The following SKAP1 variants were observed in gnomAD, a reference collection of about 807,000 sequenced individuals.
The protein encoded by SKAP1 is src kinase-associated phosphoprotein 1.
In SKAP1, 44 loss-of-function variants were observed where a neutral mutation model predicts 58.5. The ratio of observed to expected loss-of-function variants is 0.75; its 90% CI spans 0.59 to 0.97. The LOEUF (loss-of-function observed/expected upper bound fraction) is 0.97, where lower values mean the gene tolerates loss of function less well. SKAP1 is among the 50% of genes least tolerant of loss of function. The pLI is 0.00. For missense variants in SKAP1, 390 were observed against 435.2 expected, an observed-to-expected ratio of 0.90 and a Z score of 0.92; for synonymous variants, 127 against 149.7, an observed-to-expected ratio of 0.85 and a Z score of 1.11.
chr17:48,259,677 A>G (rs370042417), intron 4 of SKAP1, among the ~76,000 whole-genome samples: 8 of 152,178 alleles, frequency 5.3e-5, no homozygotes, highest in Admixed American at 2.0e-4. Context: ...GAAGACATAC[A>G]TTTACAGAAA....
chr17:48,395,795 T>C (rs2067410980), intron 2 of SKAP1, among the ~76,000 whole-genome samples: 1 of 152,228 alleles, frequency 6.6e-6, no homozygotes, highest in African/African-American at 2.4e-5. Context: ...CATGAGGTTC[T>C]CTCACATTCC....
chr17:48,395,446 T>C (rs1199501208), intron 2 of SKAP1, among the ~76,000 whole-genome samples: 1 of 152,148 alleles, frequency 6.6e-6, no homozygotes, highest in Non-Finnish European at 1.5e-5. Context: ...TAATTCCACC[T>C]TTATTCCGCA....
intron 4 of SKAP1, among the ~76,000 whole-genome samples, chr17:48,254,058 A>C (rs1183107580): frequency 6.6e-6 from 1 of 152,160 alleles, no homozygotes; most frequent in Non-Finnish European, 1.5e-5. Context: ...AAGCTCTGGA[A>C]TTAATATCCC....
intron 2 of SKAP1, among the ~76,000 whole-genome samples, chr17:48,376,111 C>T (rs1428225495): frequency 1.3e-5 from 2 of 151,026 alleles, no homozygotes; most frequent in African/African-American, 4.9e-5. Flanking sequence ...TCATTTTTGT[C>T]ACTGTTGACG....
In SKAP1 at chr17:48,270,181, C is replaced by T. The variant is rs769296542; in HGVS notation, c.280+75724G>A. On this transcript the variant is annotated intron_variant, in intron 4 of 12. Coordinates refer to ENST00000336915, the MANE Select transcript of SKAP1 (RefSeq NM_003726.4). ...ATGAAAAACATAGTGAAATTTTAAA[C>T]GATATGGAAAACATAAATAAATAAA... is the stretch of plus-strand genomic sequence containing the variant. Among the ~76,000 whole-genome samples the T allele has an allele frequency of 4.0e-4, 61 of 152,138 alleles. 1 individual carries two copies. The highest frequency in any genetic ancestry group is 4.2e-4 in the South Asian group (2 of 4,808).
At chr17:48,230,775 A>T (rs1385490424) in intron 4 of SKAP1, among the ~76,000 whole-genome samples, 3 of 152,126 alleles carry the variant, frequency 2.0e-5, no homozygotes, top group Admixed American at 1.3e-4. Flanking sequence ...TTGTTTTATG[A>T]GTGAGTAAGC....
At chr17:48,325,193 G>A (rs1183393394) in intron 4 of SKAP1, among the ~76,000 whole-genome samples, 1 of 145,956 alleles carries the variant, frequency 6.9e-6, no homozygotes, top group Non-Finnish European at 1.5e-5. Context: ...AGCTTGCAGT[G>A]AGCGGAGAGC....
intron 2 of SKAP1, among the ~76,000 whole-genome samples, chr17:48,386,848 C>T (rs1598641827): frequency 6.6e-6 from 1 of 152,302 alleles, no homozygotes; most frequent in South Asian, 2.1e-4. Flanking sequence ...TGATTAAATA[C>T]TTCTGTGGAA....
chr17:48,393,891 T>A, intron 2 of SKAP1, among the ~76,000 whole-genome samples: 1 of 3,918 alleles, frequency 2.6e-4, no homozygotes, highest in South Asian at 0.01. Context: ...TTTAGATAGG[T>A]TACCACCCCC....
At chr17:48,336,920 A>G (rs1412228486) in intron 4 of SKAP1, among the ~76,000 whole-genome samples, 1 of 152,220 alleles carries the variant, frequency 6.6e-6, no homozygotes, top group East Asian at 1.9e-4. Flanking sequence ...AATCTGGGGT[A>G]TTATAATGAG....
chr17:48,194,091 T>A (rs1436235852), intron 4 of SKAP1, among the ~76,000 whole-genome samples: 2 of 152,110 alleles, frequency 1.3e-5, no homozygotes, highest in Non-Finnish European at 2.9e-5. Flanking sequence ...AGTGTCATAA[T>A]CTCTCCCTAC....
intron 4 of SKAP1, among the ~76,000 whole-genome samples, chr17:48,247,042 T>A (rs531689452): frequency 1.3e-5 from 2 of 152,354 alleles, no homozygotes; most frequent in African/African-American, 4.8e-5. Context: ...CCCAACTATC[T>A]GAATTGAACC....
intron 5 of SKAP1, among the ~76,000 whole-genome samples, chr17:48,188,770 G>A (rs371724366): frequency 1.3e-5 from 2 of 151,780 alleles, no homozygotes; most frequent in Non-Finnish European, 2.9e-5. Flanking sequence ...AGGCTGAGGC[G>A]GGCAGATCAC....
At chr17:48,194,345 A>T (rs11658313) in intron 4 of SKAP1, among the ~76,000 whole-genome samples, 401 of 152,330 alleles carry the variant, frequency 2.6e-3, no homozygotes, top group Non-Finnish European at 4.3e-3. Flanking sequence ...ACAGAATAGG[A>T]TTCCATCTCT....
intron 2 of SKAP1, among the ~76,000 whole-genome samples, chr17:48,391,092 C>CAAA (rs1567895635): frequency 4.6e-5 from 7 of 151,896 alleles, no homozygotes; most frequent in Middle Eastern, 3.2e-3. Flanking sequence ...AACTAACTAA[C>CAAA]TAACAACAAC....
chr17:48,419,816 T>A (rs1278081836), intron 1 of SKAP1, among the ~76,000 whole-genome samples: 1 of 152,188 alleles, frequency 6.6e-6, no homozygotes, highest in African/African-American at 2.4e-5. Context: ...TATTTTCCCA[T>A]AACATACTCA....
chr17:48,293,962 G>T (rs914152581), intron 4 of SKAP1, among the ~76,000 whole-genome samples: 1 of 152,060 alleles, frequency 6.6e-6, no homozygotes, highest in Non-Finnish European at 1.5e-5. Context: ...GGAGAGAGAG[G>T]AAAAAACTGC....
At chr17:48,328,802 C>T (rs998112245) in intron 4 of SKAP1, among the ~76,000 whole-genome samples, 9 of 152,278 alleles carry the variant, frequency 5.9e-5, no homozygotes, top group African/African-American at 2.2e-4. Flanking sequence ...TGACCTTCTC[C>T]TCAACCAGCC....
intron 9 of SKAP1, among the ~76,000 whole-genome samples, chr17:48,176,705 G>A (rs763891082): frequency 4.6e-5 from 7 of 152,318 alleles, no homozygotes; most frequent in Middle Eastern, 3.4e-3. Context: ...CCCTCAAGGG[G>A]AGAAGAGTGC....
Sources: allele counts gnomAD v4.1 joint callset (sites outside exome capture counted in the v4.1 genomes callset), GRCh38; gene constraint gnomAD v4.1.1; transcripts MANE v1.5; gene names NCBI Gene and HGNC (gene_info 2026-07-23, HGNC 2026-07-21).